The following ADORA2B variants were observed in gnomAD, a reference collection of about 807,000 sequenced individuals.
ADORA2B encodes the protein adenosine A2b receptor.
ADORA2B carries 18 observed loss-of-function variants against 20.8 expected under a neutral mutation model. The ratio of observed to expected loss-of-function variants is 0.87; its 90% CI spans 0.60 to 1.29. The LOEUF is 1.29. Among genes scored for constraint, ADORA2B ranks in the 50% most tolerant of loss-of-function variants. The pLI is 0.00. For synonymous variants in ADORA2B, 179 were observed against 178.3 expected (o/e 1.00, Z -0.03); for missense variants, 441 against 422.7 (o/e 1.04, Z -0.38).
the ADORA2B span, among the ~76,000 whole-genome samples, chr17:15,938,621 A>G: frequency 1.3e-5 from 2 of 152,128 alleles, no homozygotes; most frequent in African/African-American, 4.8e-5. Flanking sequence ...TGTTTATATC[A>G]GAGTTTCCCA....
the ADORA2B span, among the ~76,000 whole-genome samples, chr17:15,933,971 C>T: frequency 0.21 from 32,088 of 152,018 alleles, 3,488 homozygotes; most frequent in African/African-American, 0.25. Context: ...TCATTGAATA[C>T]GCTATATTAG....
Position 15,975,474 on chromosome 17 carries a change from G to A in ADORA2B, c.*132G>A. 3.5e-6 allele frequency: 3 copies of A among 850,600 alleles called. No homozygotes were observed. The highest frequency in any genetic ancestry group is 1.8e-6 in the Non-Finnish European group (1 of 554,096). The allele number at this position is 850,600 out of a possible 1,614,324, so 52.7% of individuals were successfully genotyped here. On this transcript the variant is annotated 3_prime_UTR_variant, in exon 2 of 2. Transcript: ENST00000304222. ...TGCCTCTCTTGAGCACTTCCCTGGA[G>A]CTACCACGTATCTAGCTAATATGTA...
intron 1 of ADORA2B, among the ~76,000 whole-genome samples, chr17:15,951,806 G>A (rs760091872): frequency 2.3e-4 from 35 of 152,338 alleles, no homozygotes; most frequent in Non-Finnish European, 4.6e-4. Context: ...GGTGGACTTG[G>A]TGTGCGTGGG....
At chr17:15,860,358 G>A in the ADORA2B span, among the ~76,000 whole-genome samples, 1 of 152,096 alleles carries the variant, frequency 6.6e-6, no homozygotes, top group Admixed American at 6.5e-5. Flanking sequence ...GGGCCCTGTG[G>A]CTGGAATGGC....
At chr17:15,963,382 A>G (rs976989661) in intron 1 of ADORA2B, among the ~76,000 whole-genome samples, 1 of 152,198 alleles carries the variant, frequency 6.6e-6, no homozygotes, top group African/African-American at 2.4e-5. Context: ...CACATCAACC[A>G]AGTGCCTTCT....
At chr17:15,889,902 A>C in the ADORA2B span, among the ~76,000 whole-genome samples, 1 of 128,666 alleles carries the variant, frequency 7.8e-6, no homozygotes, top group East Asian at 2.1e-4. Flanking sequence ...TGTCTCAATA[A>C]ATAAATAAAT....
the ADORA2B span, among the ~76,000 whole-genome samples, chr17:15,917,124 A>G: frequency 1.3e-5 from 2 of 152,246 alleles, no homozygotes; most frequent in Non-Finnish European, 2.9e-5. Flanking sequence ...CCTGGGCAAC[A>G]AAAACGAGAC....
At chr17:15,900,282 G>A in the ADORA2B span, among the ~76,000 whole-genome samples, 1 of 152,092 alleles carries the variant, frequency 6.6e-6, no homozygotes, top group Admixed American at 6.5e-5. Context: ...CCAGTAATGG[G>A]ATTACTGGGT....
the ADORA2B span, among the ~76,000 whole-genome samples, chr17:15,934,758 A>G: frequency 6.6e-6 from 1 of 152,144 alleles, no homozygotes; most frequent in African/African-American, 2.4e-5. Flanking sequence ...CCATCAGCAC[A>G]TATTTCTAAT....
chr17:15,866,633 A>G, the ADORA2B span, among the ~76,000 whole-genome samples: 7 of 150,742 alleles, frequency 4.6e-5, no homozygotes, highest in Admixed American at 2.0e-4. Context: ...TCAAATACAT[A>G]TATGGCAAAT....
rs8080622 is a variant in ADORA2B, at chr17:15,970,404, C to T, written c.336-4275C>T. Among the ~76,000 whole-genome samples, 1,450 of 152,256 alleles carry T rather than the reference C, an allele frequency of 9.5e-3. 28 individuals are homozygous for T. Among genetic ancestry groups the T allele is most frequent in the African/African-American group, 0.032 (1,335 of 41,546 alleles). ...CTATGAGAAGTTCAGATGGGGTGGA[C>T]TCCAGTTGTTGTTCTGAACTCTAGT... On this transcript the variant is annotated intron_variant, in intron 1 of 1. Transcript: ENST00000304222.
chr17:15,930,301 T>C, the ADORA2B span, among the ~76,000 whole-genome samples: 5 of 151,082 alleles, frequency 3.3e-5, no homozygotes, highest in Non-Finnish European at 7.4e-5. Flanking sequence ...TTTTTTTTTT[T>C]CTTTTTTAAT....
the ADORA2B span, among the ~76,000 whole-genome samples, chr17:15,924,264 G>T: frequency 6.6e-6 from 1 of 152,106 alleles, no homozygotes; most frequent in Non-Finnish European, 1.5e-5. Flanking sequence ...CCATTCCAAG[G>T]TTATAAAGGT....
chr17:15,969,102 C>A (rs1334563149), intron 1 of ADORA2B, among the ~76,000 whole-genome samples: 1 of 152,158 alleles, frequency 6.6e-6, no homozygotes, highest in Admixed American at 6.5e-5. Context: ...TGTCCTTCCC[C>A]ACATGCCCTG....
the ADORA2B span, among the ~76,000 whole-genome samples, chr17:15,891,745 G>A: frequency 6.6e-6 from 1 of 150,890 alleles, no homozygotes; most frequent in Non-Finnish European, 1.5e-5. Flanking sequence ...GCAGTGGCGT[G>A]ATCTCGGCTC....
the ADORA2B span, among the ~76,000 whole-genome samples, chr17:15,914,734 A>G: frequency 6.6e-6 from 1 of 152,186 alleles, no homozygotes; most frequent in Admixed American, 6.5e-5. Flanking sequence ...TAACTGTTTC[A>G]TCTAATGCTC....
chr17:15,881,147 G>C, the ADORA2B span, among the ~76,000 whole-genome samples: 1 of 152,076 alleles, frequency 6.6e-6, no homozygotes, highest in South Asian at 2.1e-4. Context: ...TGTCGCCCAG[G>C]CTGGAGTACA....
the ADORA2B span, among the ~76,000 whole-genome samples, chr17:15,927,696 G>A: frequency 6.6e-6 from 1 of 152,172 alleles, no homozygotes; most frequent in African/African-American, 2.4e-5. Flanking sequence ...TGCCATTGCA[G>A]TAGTTCAGGT....
chr17:15,908,875 C>T, the ADORA2B span, among the ~76,000 whole-genome samples: 1 of 152,238 alleles, frequency 6.6e-6, no homozygotes, highest in Admixed American at 6.5e-5. Flanking sequence ...AAGAGGGCAG[C>T]CTCCCTTCTT....
Sources: gnomAD v4.1 joint callset for allele counts (sites outside exome capture counted in the v4.1 genomes callset) on GRCh38, gnomAD v4.1.1 for gene constraint, MANE v1.5 for transcripts, NCBI Gene and HGNC (gene_info 2026-07-23, HGNC 2026-07-21) for gene names.